The following GALNT17 variants were observed in gnomAD, a reference collection of about 807,000 sequenced individuals.
GALNT17 encodes polypeptide N-acetylgalactosaminyltransferase 17.
Under a neutral mutation model 63.7 loss-of-function variants are expected in GALNT17, and 29 were observed. The observed-to-expected ratio is 0.46, with a 90% CI of 0.34 to 0.62. GALNT17 has a LOEUF of 0.62. GALNT17 is among the 20% of genes least tolerant of loss of function. The pLI is 0.01. For missense variants in GALNT17, 603 were observed against 799.6 expected (o/e 0.75, Z 2.97); for synonymous variants, 305 against 318.3 (o/e 0.96, Z 0.45).
chr7:71,450,050 A>T (rs1486516129), intron 5 of GALNT17, among the ~76,000 whole-genome samples: 2 of 152,122 alleles, frequency 1.3e-5, no homozygotes, highest in East Asian at 3.9e-4. Flanking sequence ...TCTCAAAAAA[A>T]AAAAAAAGAT....
chr7:71,668,303 G>C (rs1791015451), intron 7 of GALNT17, among the ~76,000 whole-genome samples: 1 of 151,950 alleles, frequency 6.6e-6, no homozygotes, highest in South Asian at 2.1e-4. Context: ...GATCACCTGA[G>C]GTTGGGAGTT....
intron 2 of GALNT17, among the ~76,000 whole-genome samples, chr7:71,379,218 T>C (rs1484480028): frequency 2.6e-5 from 4 of 151,968 alleles, no homozygotes; most frequent in Non-Finnish European, 5.9e-5. Context: ...ATAGAACAGT[T>C]TGTGTGACTT....
intron 1 of GALNT17, among the ~76,000 whole-genome samples, chr7:71,196,387 G>A (rs1305474552): frequency 6.6e-6 from 1 of 151,876 alleles, no homozygotes; most frequent in East Asian, 1.9e-4. Context: ...TGATCCACCC[G>A]CCTCAGCCTC....
At chr7:71,535,628 C>T (rs57707559) in intron 5 of GALNT17, among the ~76,000 whole-genome samples, 34,542 of 152,074 alleles carry the variant, frequency 0.23, 4,023 homozygotes, top group Admixed American at 0.27. Flanking sequence ...AATAAGTCAA[C>T]TCACAATGTG....
intron 6 of GALNT17, among the ~76,000 whole-genome samples, chr7:71,637,489 ATT>A (rs78580954): frequency 7.0e-5 from 10 of 143,802 alleles, no homozygotes; most frequent in Admixed American, 7.0e-5. Flanking sequence ...GCACCTGGCC[ATT>A]TTTTTTTTTT....
rs184341413 is a variant in GALNT17, at chr7:71,530,833, G to A, written c.963-40452G>A. ...TCCGTCCGCCTCGGCCTCCCAAAGC[G>A]CTGGGATTACAGGCGTGAGCCACCA... On this transcript the variant is annotated intron_variant, in intron 5 of 10. Coordinates refer to ENST00000333538, the MANE Select transcript of GALNT17 (RefSeq NM_022479.3). Among the ~76,000 whole-genome samples the A allele has an allele frequency of 2.8e-4, 43 of 152,214 alleles. No homozygotes were observed. In the East Asian group the frequency reaches 7.4e-3, roughly 26 times the overall value.
chr7:71,368,415 G>C (rs970333027), intron 2 of GALNT17, among the ~76,000 whole-genome samples: 3 of 151,862 alleles, frequency 2.0e-5, no homozygotes, highest in African/African-American at 7.3e-5. Context: ...TTTTTTCCTA[G>C]AGAGTTTTTC....
chr7:71,224,244 C>G (rs1363747118), intron 1 of GALNT17, among the ~76,000 whole-genome samples: 1 of 151,996 alleles, frequency 6.6e-6, no homozygotes, highest in Non-Finnish European at 1.5e-5. Context: ...GGAGTTTTGC[C>G]ATGTCGGCCA....
chr7:71,442,260 G>T (rs776653386), intron 5 of GALNT17, among the ~76,000 whole-genome samples: 2 of 152,004 alleles, frequency 1.3e-5, no homozygotes, highest in African/African-American at 2.4e-5. Context: ...GCAATGGCCC[G>T]ATCTCAGCTC....
intron 5 of GALNT17, among the ~76,000 whole-genome samples, chr7:71,458,137 C>T (rs1265416608): frequency 1.3e-5 from 2 of 152,124 alleles, no homozygotes; most frequent in East Asian, 1.9e-4. Flanking sequence ...CAGGCTTGGC[C>T]AGTCCTTTTC....
intron 5 of GALNT17, among the ~76,000 whole-genome samples, chr7:71,561,469 C>T (rs1047456348): frequency 2.0e-5 from 3 of 152,112 alleles, no homozygotes; most frequent in East Asian, 1.9e-4. Flanking sequence ...GCACGTGGGA[C>T]CTTGGAATGA....
intron 3 of GALNT17, among the ~76,000 whole-genome samples, chr7:71,406,326 C>A (rs1240496282): frequency 6.6e-6 from 1 of 152,168 alleles, no homozygotes; most frequent in African/African-American, 2.4e-5. Context: ...CGCATTGGGC[C>A]CCTTACTTGC....
intron 3 of GALNT17, among the ~76,000 whole-genome samples, chr7:71,397,963 T>C (rs1307147782): frequency 6.6e-6 from 1 of 150,396 alleles, no homozygotes; most frequent in Non-Finnish European, 1.5e-5. Flanking sequence ...GTTGTTGTTG[T>C]TGTTGTTGTT....
At chr7:71,709,494 C>T (rs908302836) in intron 9 of GALNT17, among the ~76,000 whole-genome samples, 1 of 152,046 alleles carries the variant, frequency 6.6e-6, no homozygotes, top group Non-Finnish European at 1.5e-5. Flanking sequence ...TACCCTCCCT[C>T]CAGCCCAATA....
chr7:71,405,174 A>C (rs1793307060), intron 3 of GALNT17, among the ~76,000 whole-genome samples: 1 of 152,236 alleles, frequency 6.6e-6, no homozygotes, highest in Admixed American at 6.5e-5. Context: ...AGGCCACAGC[A>C]GCTTTGTATT....
At chr7:71,338,009 GGGCAACAT>G (rs1257791858) in intron 2 of GALNT17, among the ~76,000 whole-genome samples, 3 of 151,996 alleles carry the variant, frequency 2.0e-5, no homozygotes, top group Admixed American at 6.6e-5. Context: ...AGATCAGCCT[GGGCAACAT>G]GGCAAAGCAT....
intron 6 of GALNT17, among the ~76,000 whole-genome samples, chr7:71,597,532 A>AAATAAATC (rs1270498133): frequency 6.6e-6 from 1 of 151,758 alleles, no homozygotes; most frequent in Non-Finnish European, 1.5e-5. Context: ...ATAAATAAAT[A>AAATAAATC]AATAAGTAAA....
At chr7:71,159,348 T>A (rs1788297684) in intron 1 of GALNT17, among the ~76,000 whole-genome samples, 1 of 151,734 alleles carries the variant, frequency 6.6e-6, no homozygotes, top group African/African-American at 2.4e-5. Flanking sequence ...AAAGTTGTGG[T>A]ATGATAAGCC....
chr7:71,408,367 G>A (rs891375696), intron 3 of GALNT17, among the ~76,000 whole-genome samples: 2 of 152,192 alleles, frequency 1.3e-5, no homozygotes, highest in African/African-American at 2.4e-5. Context: ...AGCTGCTGGT[G>A]GGGAGAGGTG....
Sources: allele counts gnomAD v4.1 joint callset (sites outside exome capture counted in the v4.1 genomes callset), GRCh38; gene constraint gnomAD v4.1.1; transcripts MANE v1.5; gene names NCBI Gene and HGNC (gene_info 2026-07-23, HGNC 2026-07-21).